The following PRPH2 variants were observed in gnomAD, a reference collection of about 807,000 sequenced individuals.
The protein encoded by PRPH2 is peripherin-2.
In PRPH2, 17 loss-of-function variants were observed where a neutral mutation model predicts 31.3. The observed-to-expected ratio is 0.54, with a 90% CI of 0.37 to 0.81. The LOEUF (loss-of-function observed/expected upper bound fraction) is 0.81. Ranked by LOEUF, PRPH2 falls within the 40% of genes least tolerant of loss-of-function variation. PRPH2 has a pLI of 0.00. For missense variants in PRPH2, 430 were observed against 439.7 expected (o/e 0.98, Z 0.20); for synonymous variants, 165 against 184.4 (o/e 0.89, Z 0.85).
chr6:42,719,524 C>T (rs1393562452), intron 1 of PRPH2, among the ~76,000 whole-genome samples: 1 of 150,164 alleles, frequency 6.7e-6, no homozygotes, highest in Non-Finnish European at 1.5e-5. Context: ...GGATATTATG[C>T]AAATGTTATA....
At chr6:42,700,987 CTTT>C (rs11309863) in intron 2 of PRPH2, among the ~76,000 whole-genome samples, 11 of 139,914 alleles carry the variant, frequency 7.9e-5, no homozygotes, top group Non-Finnish European at 9.3e-5. Flanking sequence ...ACTTTTCTTT[CTTT>C]TTTTTTTTTT....
At chr6:42,717,453 T>C (rs539982056) in intron 1 of PRPH2, among the ~76,000 whole-genome samples, 1 of 151,896 alleles carries the variant, frequency 6.6e-6, no homozygotes, top group Admixed American at 6.6e-5. Flanking sequence ...CTCCCTGCCC[T>C]TTTGCCGGCC....
Position 42,698,162 on chromosome 6 carries a change from C to G in PRPH2, c.*133G>C. 8.0e-7 allele frequency: 1 copy of G among 1,244,546 alleles called. No homozygotes were observed. Among genetic ancestry groups the G allele is most frequent in the Non-Finnish European group, 1.1e-6 (1 of 894,052 alleles). 77.1% of individuals were successfully genotyped at this position (1,244,546 alleles called of 1,614,324 possible). On this transcript the variant is annotated 3_prime_UTR_variant, in exon 3 of 3. Coordinates refer to ENST00000230381, the MANE Select transcript of PRPH2 (RefSeq NM_000322.5). ...TAGGGACCCTAAACTTAAATTCCACCGTCAGGGAGAGTCTCTGTAAGATGG... is the reference window on the plus strand; with the variant it reads ...TAGGGACCCTAAACTTAAATTCCACGGTCAGGGAGAGTCTCTGTAAGATGG...
At position 42,704,450 on chromosome 6, in the gene PRPH2, C is replaced by T. The variant is rs372238020; in HGVS notation, c.743G>A (p.Arg248His). 5.6e-6 allele frequency: 9 copies of T among 1,612,754 alleles called. No homozygotes were observed. The African/African-American group carries it at 9.3e-5, about 17-fold the overall frequency. ...GCTCAGCAGGGCAGCCCTGCAGCCA[C>T]GCACCCACAGGTTGAGCTCCTCCGT... Reference protein sequence around the residue: ...HQTEELNLWVRGCRAALLSYY... With the variant: ...HQTEELNLWVHGCRAALLSYY... Residue 248 changes from arginine (R) to histidine (H), a missense_variant, in exon 2 of 3, where the codon CGT becomes CAT. Transcript: ENST00000230381.
At position 42,721,897 on chromosome 6, in the gene PRPH2, G is replaced by C. The variant is rs375823961; in HGVS notation, c.438C>G (p.Thr146=). ...TCTTCTTCATGAAACACCTGCCAGG[G>C]GTGTCTGTGTCCCGGTAGTACTTCA... is the stretch of plus-strand genomic sequence containing the variant. The part of the protein sequence containing the change: ...NGMKYYRDTD[T]PGRCFMKKTI... Residue 146 remains threonine (T), a synonymous_variant, in exon 1 of 3, where the codon ACC becomes ACG. Transcript: ENST00000230381. The C allele has an allele frequency of 6.2e-7, 1 of 1,614,060 alleles. No homozygotes were observed. The highest frequency in any genetic ancestry group is 1.7e-5 in the Admixed American group (1 of 59,998).
intron 1 of PRPH2, among the ~76,000 whole-genome samples, chr6:42,716,612 G>GTTTTTTTTTTT (rs145765747): frequency 9.0e-6 from 1 of 111,570 alleles, no homozygotes; most frequent in African/African-American, 3.4e-5. Flanking sequence ...GGTTTGGTTG[G>GTTTTTTTTTTT]TTTTTTTTTT....
At position 42,696,830 on chromosome 6, in the gene PRPH2, G is replaced by A. The variant is rs1799951128; in HGVS notation, c.*1465C>T. ...ACTTGGGACCAACGTCTGACAGGGT[G>A]TCCAAACATCTTGGATCTGGTCTTC... On this transcript the variant is annotated 3_prime_UTR_variant, in exon 3 of 3. Coordinates refer to ENST00000230381, the MANE Select transcript of PRPH2 (RefSeq NM_000322.5). 1 of 151,850 alleles carries A rather than the reference G, an allele frequency of 6.6e-6. No homozygotes were observed. 9.4% of individuals were successfully genotyped at this position (151,850 alleles called of 1,614,324 possible).
At chr6:42,705,599 A>AAATATATATATATATATAT (rs1562424252) in intron 1 of PRPH2, among the ~76,000 whole-genome samples, 2 of 21,554 alleles carry the variant, frequency 9.3e-5, no homozygotes, top group Admixed American at 6.4e-4. Flanking sequence ...AAAAAAAAAA[A>AAATATATATATATATATAT]ATATATATAT....
At position 42,722,139 on chromosome 6, in the gene PRPH2, C is replaced by T. The variant is rs749258271; in HGVS notation, c.196G>A (p.Gly66Arg). ...AAGACACAGGATAGCACCCCCATCCCTATCAATGAGTTGGGCACAAAATGG... is the reference window on the plus strand; with the variant it reads ...AAGACACAGGATAGCACCCCCATCCTTATCAATGAGTTGGGCACAAAATGG... Reference protein sequence around the residue: ...ESHFVPNSLIGMGVLSCVFNS... With the variant: ...ESHFVPNSLIRMGVLSCVFNS... The change falls in exon 1 of 3, where the codon GGG becomes AGG. Residue 66 changes from glycine to arginine, a missense_variant. Physicochemically the swap from Gly to Arg is moderately radical, Grantham distance 125. Coordinates refer to ENST00000230381, the MANE Select transcript of PRPH2 (RefSeq NM_000322.5). This position sits in a 1 kb window ranked among gnomAD's most constrained non-coding sequence, Gnocchi z 4.4. 1.9e-6 allele frequency: 3 copies of T among 1,614,182 alleles called. No homozygotes were observed. Among genetic ancestry groups the T allele is most frequent in the South Asian group, 1.1e-5 (1 of 91,080 alleles).
chr6:42,709,334 TAA>T (rs58632063), intron 1 of PRPH2, among the ~76,000 whole-genome samples: 10 of 77,030 alleles, frequency 1.3e-4, no homozygotes, highest in African/African-American at 2.0e-4. Flanking sequence ...TGTCTCAAAT[TAA>T]AAAAAAAAAA....
At chr6:42,720,512 A>C (rs956474048) in intron 1 of PRPH2, among the ~76,000 whole-genome samples, 3 of 152,170 alleles carry the variant, frequency 2.0e-5, no homozygotes, top group Non-Finnish European at 4.4e-5. Flanking sequence ...GGGGATTTGC[A>C]GCAGTAATCT....
At chr6:42,716,210 C>T (rs778258226) in intron 1 of PRPH2, among the ~76,000 whole-genome samples, 57 of 152,138 alleles carry the variant, frequency 3.7e-4, no homozygotes, top group Non-Finnish European at 7.1e-4. Context: ...GAAAGAGGCT[C>T]ACCCGAACCT....
At chr6:42,718,622 G>A (rs954624496) in intron 1 of PRPH2, among the ~76,000 whole-genome samples, 1 of 152,036 alleles carries the variant, frequency 6.6e-6, no homozygotes, top group African/African-American at 2.4e-5. Flanking sequence ...AAGCATTTCA[G>A]TTCTAAGAAA....
intron 1 of PRPH2, among the ~76,000 whole-genome samples, chr6:42,713,156 C>G (rs962114994): frequency 2.0e-5 from 3 of 150,980 alleles, no homozygotes; most frequent in African/African-American, 4.9e-5. Flanking sequence ...ACCCTGGAGA[C>G]AGAGGTTGCA....
Position 42,722,324 on chromosome 6 carries a change from A to G in PRPH2, c.11T>C (p.Leu4Pro). The G allele has an allele frequency of 6.2e-7, 1 of 1,613,820 alleles. No homozygotes were observed. Among genetic ancestry groups the G allele is most frequent in the South Asian group, 1.1e-5 (1 of 91,086 alleles). MALLKVKFDQKKRV... is the reference protein window; with the variant it reads MALPKVKFDQKKRV... ...CTTCTTCTGGTCAAACTTGACTTTC[A>G]GTAGCGCCATGCTTGCCAAGTGTAG... The change falls in exon 1 of 3, where the codon CTG becomes CCG. Residue 4 changes from leucine (L) to proline (P), a missense_variant. Coordinates refer to ENST00000230381, the MANE Select transcript of PRPH2 (RefSeq NM_000322.5). The surrounding 1 kb of genome is among the most constrained non-coding windows in gnomAD (Gnocchi z 4.4).
At chr6:42,711,820 C>T in intron 1 of PRPH2, 1 of 985,410 alleles carries the variant, frequency 1.0e-6, no homozygotes, top group Non-Finnish European at 1.2e-6. Flanking sequence ...CAGCTTCTCC[C>T]TCAGACTGGG....
rs1582780462 is a variant in PRPH2 at position 42,721,806 on chromosome 6, T to C, written c.529A>G (p.Ile177Val). The C allele has an allele frequency of 1.2e-6, 2 of 1,614,142 alleles. No individual in the cohort carries two copies. Among genetic ancestry groups the C allele is most frequent in the Middle Eastern group, 1.6e-4 (1 of 6,062 alleles). Residue 177 changes from isoleucine (I) to valine (V), a missense_variant, in exon 1 of 3, where the codon ATT becomes GTT. Physicochemically the swap from Ile to Val is conservative, Grantham distance 29 (BLOSUM62 3). Transcript: ENST00000230381. Reference sequence around the variant, plus strand: ...AGGTAGCGATTGCTGATCCACTGAATCTCAAACCAGTCCCGAAAACCGTTG... The same window carrying C: ...AGGTAGCGATTGCTGATCCACTGAACCTCAAACCAGTCCCGAAAACCGTTG... Reference protein sequence around the residue: ...GNNGFRDWFEIQWISNRYLDF... With the variant: ...GNNGFRDWFEVQWISNRYLDF...
At chr6:42,721,354 C>T (rs938733501) in intron 1 of PRPH2, among the ~76,000 whole-genome samples, 1 of 152,176 alleles carries the variant, frequency 6.6e-6, no homozygotes, top group African/African-American at 2.4e-5. Flanking sequence ...CTGAATCCAT[C>T]TACTTTGAAT....
intron 1 of PRPH2, among the ~76,000 whole-genome samples, chr6:42,721,213 C>T (rs2152010694): frequency 6.6e-6 from 1 of 152,324 alleles, no homozygotes; most frequent in South Asian, 2.1e-4. Context: ...ACCAAAACTT[C>T]ACCCTAGATC....
Sources: gnomAD v4.1 joint callset for allele counts (sites outside exome capture counted in the v4.1 genomes callset) on GRCh38, gnomAD v4.1.1 for gene constraint, Gnocchi (gnomAD v3.1) non-coding constraint, MANE v1.5 for transcripts, NCBI Gene and HGNC (gene_info 2026-07-23, HGNC 2026-07-21) for gene names.